Variants in TYW1 observed in about 807,000 individuals in gnomAD.
The protein encoded by TYW1 is S-adenosyl-L-methionine-dependent tRNA 4-demethylwyosine synthase TYW1.
In TYW1, 46 loss-of-function variants were observed where a neutral mutation model predicts 96.2. The ratio of observed to expected loss-of-function variants is 0.48; its 90% CI spans 0.38 to 0.61. The LOEUF is 0.61. TYW1 is among the 20% of genes least tolerant of loss of function. The probability of loss-of-function intolerance (pLI) is 0.00; values close to 1 mark genes in which losing one functional copy is unlikely to be tolerated. For missense variants in TYW1, 684 were observed against 909.6 expected, an observed-to-expected ratio of 0.75 and a Z score of 3.19; for synonymous variants, 274 against 323.0, an observed-to-expected ratio of 0.85 and a Z score of 1.63.
intron 13 of TYW1, among the ~76,000 whole-genome samples, chr7:67,146,525 CA>C (rs1478380786): frequency 6.6e-6 from 1 of 151,596 alleles, no homozygotes. Flanking sequence ...GCAAGACCAA[CA>C]AAAGTGTAAA....
At chr7:67,167,468 CAAAAAAAAAAAAAAAA>C (rs869281504) in intron 13 of TYW1, among the ~76,000 whole-genome samples, 3 of 78,806 alleles carry the variant, frequency 3.8e-5, no homozygotes, top group Admixed American at 1.6e-4. Context: ...GACTCTGTCT[CAAAAAAAAAAAAAAAA>C]AAAAAAAAAA....
chr7:67,131,281 G>A (rs571717380), intron 13 of TYW1, among the ~76,000 whole-genome samples: 1 of 152,170 alleles, frequency 6.6e-6, no homozygotes, highest in Non-Finnish European at 1.5e-5. Flanking sequence ...AAACATTACA[G>A]TAGGTAATTT....
At chr7:67,184,866 C>A (rs1379576611) in intron 14 of TYW1, among the ~76,000 whole-genome samples, 5 of 151,528 alleles carry the variant, frequency 3.3e-5, no homozygotes, top group African/African-American at 1.2e-4. Context: ...CACTACCGCA[C>A]CTGGCTAATT....
chr7:67,159,928 T>G (rs543849076), intron 13 of TYW1, among the ~76,000 whole-genome samples: 4 of 149,406 alleles, frequency 2.7e-5, no homozygotes, highest in East Asian at 2.1e-4. Context: ...AGCCTCCCAA[T>G]TAGCTGGGAC....
At chr7:67,083,639 GC>G (rs1796450515) in intron 11 of TYW1, 100 bp downstream of exon 11, 1 of 1,320,278 alleles carries the variant, frequency 7.6e-7, no homozygotes, top group Middle Eastern at 2.2e-4. Context: ...GTCCCCACTG[GC>G]AAATTTTCCT....
chr7:67,008,122 G>A (rs1353748309), intron 3 of TYW1, among the ~76,000 whole-genome samples: 2 of 152,058 alleles, frequency 1.3e-5, no homozygotes, highest in Non-Finnish European at 2.9e-5. Context: ...TATGTTTAGT[G>A]GTTTATCATA....
intron 13 of TYW1, among the ~76,000 whole-genome samples, chr7:67,145,801 C>G (rs1265550048): frequency 1.3e-5 from 2 of 152,152 alleles, no homozygotes; most frequent in African/African-American, 2.4e-5. Flanking sequence ...GTTGCCCAGG[C>G]TGGAGCACAG....
At chr7:67,035,376 A>C (rs1424948956) in intron 7 of TYW1, among the ~76,000 whole-genome samples, 1 of 152,064 alleles carries the variant, frequency 6.6e-6, no homozygotes, top group Non-Finnish European at 1.5e-5. Context: ...TCGGTCTCCC[A>C]AAGTGTTGGG....
chr7:67,130,184 C>G (rs1798023954), intron 13 of TYW1, among the ~76,000 whole-genome samples: 2 of 149,972 alleles, frequency 1.3e-5, no homozygotes, highest in South Asian at 4.2e-4. Context: ...AGTTTGAGAC[C>G]AGCCTGGCAA....
chr7:67,227,915 C>G (rs548442545), intron 15 of TYW1, among the ~76,000 whole-genome samples: 2 of 152,206 alleles, frequency 1.3e-5, no homozygotes, highest in Non-Finnish European at 2.9e-5. Context: ...TATAATAAAA[C>G]ATACATGAAT....
At chr7:67,195,669 T>C (rs1800370137) in intron 15 of TYW1, among the ~76,000 whole-genome samples, 1 of 152,200 alleles carries the variant, frequency 6.6e-6, no homozygotes. Context: ...GCTAAAATAG[T>C]AAATAGTCCC....
intron 7 of TYW1, among the ~76,000 whole-genome samples, chr7:67,036,749 G>A (rs370591824): frequency 2.8e-4 from 43 of 152,366 alleles, no homozygotes; most frequent in African/African-American, 9.9e-4. Context: ...GAGAAGACAG[G>A]ATTCTTCAGC....
rs375336409 is a variant in TYW1, at chr7:67,168,797, C to T, written c.1699-14329C>T. Among the ~76,000 whole-genome samples, 9 of 151,794 alleles carry T rather than the reference C, an allele frequency of 5.9e-5. No homozygotes were observed. The East Asian group carries it at 7.7e-4, about 13-fold the overall frequency. On this transcript the variant is annotated intron_variant, in intron 13 of 15. Coordinates refer to ENST00000359626, the MANE Select transcript of TYW1 (RefSeq NM_018264.4). The stretch of plus-strand genomic sequence containing the variant: ...TGCGATCTTGGCTCACTGCCACCTC[C>T]GCCTCCCAGGTTCAAGCGGTTCTCC...
At chr7:67,081,655 C>CTCCTCCTCCTGCTGT (rs1416532458) in intron 10 of TYW1, among the ~76,000 whole-genome samples, 2 of 151,586 alleles carry the variant, frequency 1.3e-5, no homozygotes, top group Non-Finnish European at 1.5e-5. Flanking sequence ...CCTGCTGCTG[C>CTCCTCCTCCTGCTGT]TCCTCCTCCT....
chr7:67,058,514 G>A (rs1795599274), intron 9 of TYW1, among the ~76,000 whole-genome samples: 1 of 152,080 alleles, frequency 6.6e-6, no homozygotes, highest in Admixed American at 6.6e-5. Flanking sequence ...GTAGAGTCTT[G>A]CCCTGTCATC....
intron 15 of TYW1, among the ~76,000 whole-genome samples, chr7:67,197,087 G>T (rs953250111): frequency 4.6e-5 from 7 of 152,158 alleles, no homozygotes; most frequent in African/African-American, 1.7e-4. Flanking sequence ...TTTAATCTTG[G>T]CCCCTGTCTC....
At chr7:67,236,725 A>C (rs1801901294) in intron 15 of TYW1, among the ~76,000 whole-genome samples, 1 of 152,158 alleles carries the variant, frequency 6.6e-6, no homozygotes, top group Non-Finnish European at 1.5e-5. Context: ...CATATTCAGC[A>C]TTTTCCCCCT....
chr7:67,237,261 G>A (rs1404866328), intron 15 of TYW1, among the ~76,000 whole-genome samples: 3 of 105,614 alleles, frequency 2.8e-5, no homozygotes, highest in Non-Finnish European at 6.1e-5. Context: ...AGCACTTTGG[G>A]AGGCCAAGGC....
intron 14 of TYW1, among the ~76,000 whole-genome samples, chr7:67,186,683 G>A (rs1800035729): frequency 6.6e-6 from 1 of 152,056 alleles, no homozygotes; most frequent in Non-Finnish European, 1.5e-5. Context: ...TATAGAAATG[G>A]GGTCTCACTA....
Sources: gnomAD v4.1 joint callset for allele counts (sites outside exome capture counted in the v4.1 genomes callset) on GRCh38, gnomAD v4.1.1 for gene constraint, MANE v1.5 for transcripts, NCBI Gene and HGNC (gene_info 2026-07-23, HGNC 2026-07-21) for gene names.